Variants in ELF2 observed in about 807,000 individuals in gnomAD.
ELF2 encodes the protein ETS-related transcription factor Elf-2.
ELF2 carries 11 observed loss-of-function variants against 54.8 expected under a neutral mutation model. The observed-to-expected ratio is 0.20, with a 90% CI of 0.13 to 0.33. ELF2 has a LOEUF of 0.33. Among genes scored for constraint, ELF2 ranks in the 10% least tolerant of loss-of-function variants. The probability of loss-of-function intolerance (pLI) is 1.00; values close to 1 mark genes in which losing one functional copy is unlikely to be tolerated. For missense variants in ELF2, 513 were observed against 703.0 expected, an observed-to-expected ratio of 0.73 and a Z score of 3.06; for synonymous variants, 203 against 245.1, an observed-to-expected ratio of 0.83 and a Z score of 1.61.
At chr4:139,095,514 C>T (rs1733165061) in intron 4 of ELF2, among the ~76,000 whole-genome samples, 1 of 152,108 alleles carries the variant, frequency 6.6e-6, no homozygotes. Flanking sequence ...TACTCTTTAT[C>T]AGGTTCCAAT....
intron 3 of ELF2, among the ~76,000 whole-genome samples, chr4:139,134,219 C>T (rs1206506796): frequency 6.6e-6 from 1 of 152,028 alleles, no homozygotes; most frequent in East Asian, 1.9e-4. Flanking sequence ...GATATAATCA[C>T]CTAATTTTTC....
intron 3 of ELF2, among the ~76,000 whole-genome samples, chr4:139,136,040 CAT>C (rs1491102824): frequency 6.6e-6 from 1 of 152,154 alleles, no homozygotes; most frequent in East Asian, 1.9e-4. Context: ...TGGCTCCCCT[CAT>C]AAGGTTAAAA....
chr4:139,166,621 T>C (rs28857624), intron 1 of ELF2, among the ~76,000 whole-genome samples: 41 of 152,082 alleles, frequency 2.7e-4, no homozygotes, highest in African/African-American at 6.3e-4. Context: ...GTAATCCCAG[T>C]ACTTTGGGAG....
At chr4:139,138,275 G>A (rs1307302510) in intron 2 of ELF2, among the ~76,000 whole-genome samples, 1 of 152,066 alleles carries the variant, frequency 6.6e-6, no homozygotes, top group African/African-American at 2.4e-5. Flanking sequence ...AAATTAGCTG[G>A]GCATGGTGAA....
chr4:139,165,252 GATT>G (rs1741606643), intron 1 of ELF2, among the ~76,000 whole-genome samples: 1 of 152,130 alleles, frequency 6.6e-6, no homozygotes, highest in African/African-American at 2.4e-5. Flanking sequence ...GAAATCTTTT[GATT>G]ATTACTGTGG....
At chr4:139,093,257 G>T (rs1177513447) in intron 4 of ELF2, among the ~76,000 whole-genome samples, 1 of 152,110 alleles carries the variant, frequency 6.6e-6, no homozygotes, top group African/African-American at 2.4e-5. Context: ...GAGCCACCGC[G>T]CCCGGCCAGT....
chr4:139,080,315 G>A (rs1730924607), intron 4 of ELF2, among the ~76,000 whole-genome samples: 1 of 152,122 alleles, frequency 6.6e-6, no homozygotes, highest in African/African-American at 2.4e-5. Context: ...GAAAACTAGT[G>A]TCATTCCTTG....
chr4:139,083,186 G>A (rs1008626595), intron 4 of ELF2, among the ~76,000 whole-genome samples: 9 of 152,114 alleles, frequency 5.9e-5, no homozygotes, highest in Non-Finnish European at 1.2e-4. Context: ...AGGTTTGGGG[G>A]GGGGTAGAGG....
chr4:139,153,443 AAAAT>A (rs536362017), intron 1 of ELF2, among the ~76,000 whole-genome samples: 6 of 151,730 alleles, frequency 4.0e-5, no homozygotes, highest in African/African-American at 9.7e-5. Context: ...TCAAAAAATA[AAAAT>A]AAATAAATAA....
In ELF2 at chr4:139,156,597, G is replaced by GAT. The variant is rs111249661; in HGVS notation, c.-251-17102_-251-17101dup. 2.3e-3 allele frequency among the ~76,000 whole-genome samples: 344 copies of GAT among 150,022 alleles called. 1 individual carries two copies. The highest frequency in any genetic ancestry group is 5.3e-3 in the African/African-American group (216 of 40,982). On this transcript the variant is annotated intron_variant, in intron 1 of 9. Transcript: ENST00000686138. Reference sequence around the variant, plus strand: ...CAATTAACATACATGTTCATTCATAGATATATATATATATATTTGTTGTTT... The same window carrying GAT: ...CAATTAACATACATGTTCATTCATAGATATATATATATATATATTTGTTGTTT...
intron 6 of ELF2, among the ~76,000 whole-genome samples, chr4:139,071,351 AG>A (rs2148692672): frequency 6.6e-6 from 1 of 152,088 alleles, no homozygotes; most frequent in African/African-American, 2.4e-5. Flanking sequence ...TTTTTGAGAT[AG>A]GGTCTTGCTA....
chr4:139,163,607 A>G (rs1170404766), intron 1 of ELF2, among the ~76,000 whole-genome samples: 1 of 152,112 alleles, frequency 6.6e-6, no homozygotes, highest in Non-Finnish European at 1.5e-5. Context: ...TGAAGGATGA[A>G]TTTATTAAAG....
chr4:139,107,772 T>C (rs1462507350), intron 4 of ELF2, among the ~76,000 whole-genome samples: 1 of 152,186 alleles, frequency 6.6e-6, no homozygotes, highest in African/African-American at 2.4e-5. Flanking sequence ...GGTAATATGA[T>C]ACACATACCA....
At chr4:139,111,958 C>CT (rs1188168573) in intron 4 of ELF2, among the ~76,000 whole-genome samples, 1 of 152,060 alleles carries the variant, frequency 6.6e-6, no homozygotes, top group Non-Finnish European at 1.5e-5. Context: ...TGTCCTATTC[C>CT]TTTTTTCATT....
At chr4:139,114,231 G>T (rs1034083541) in intron 4 of ELF2, among the ~76,000 whole-genome samples, 2 of 151,976 alleles carry the variant, frequency 1.3e-5, no homozygotes, top group Non-Finnish European at 2.9e-5. Flanking sequence ...TAAACAATAT[G>T]GTTATATGAT....
At chr4:139,136,981 ACT>A (rs1738243382) in intron 3 of ELF2, 1 of 152,138 alleles carries the variant, frequency 6.6e-6, no homozygotes, top group African/African-American at 2.4e-5. Context: ...TTCACTCTTT[ACT>A]GAATGCTAAG....
chr4:139,125,779 CAAAA>C (rs367767700), intron 3 of ELF2, among the ~76,000 whole-genome samples: 3,599 of 96,458 alleles, frequency 0.037, 77 homozygotes, highest in African/African-American at 0.084. Context: ...AGTCTGGCAG[CAAAA>C]AAAAAAAAAA....
chr4:139,079,573 A>G (rs985178826), intron 4 of ELF2, among the ~76,000 whole-genome samples: 1 of 152,246 alleles, frequency 6.6e-6, no homozygotes, highest in Non-Finnish European at 1.5e-5. Flanking sequence ...CCATGCTTAT[A>G]TAAGTTTTAG....
rs181315045 is a variant in ELF2 at position 139,072,208 on chromosome 4, A to G, written c.353-169T>C. 1.9e-4 allele frequency: 117 copies of G among 611,696 alleles called. No individual in the cohort carries two copies. The African/African-American group carries it at 2.0e-3, about 11-fold the overall frequency. 37.9% of individuals were successfully genotyped at this position (611,696 alleles called of 1,614,324 possible). ...GAATATTCGATATGATTTAAACTAC[A>G]TAAGGAAAATAAATGCATGGAAAAT... On this transcript the variant is annotated intron_variant, in intron 5 of 9. Transcript: ENST00000686138.
Sources: allele counts gnomAD v4.1 joint callset (sites outside exome capture counted in the v4.1 genomes callset), GRCh38; gene constraint gnomAD v4.1.1; transcripts MANE v1.5; gene names NCBI Gene and HGNC (gene_info 2026-07-23, HGNC 2026-07-21).